CTNNA3: variants seen among roughly 807,000 people sequenced by gnomAD.
CTNNA3 encodes the protein catenin alpha-3.
In CTNNA3, 76 loss-of-function variants were observed where a neutral mutation model predicts 95.7. The observed-to-expected ratio is 0.79, with a 90% CI of 0.66 to 0.96. The LOEUF (loss-of-function observed/expected upper bound fraction) is 0.96. Among genes scored for constraint, CTNNA3 ranks in the 40% least tolerant of loss-of-function variants. The pLI is 0.00. For missense variants in CTNNA3, 1,191 were observed against 1,089.8 expected, an observed-to-expected ratio of 1.09 and a Z score of -1.31; for synonymous variants, 431 against 374.4, an observed-to-expected ratio of 1.15 and a Z score of -1.74.
Position 67,474,436 on chromosome 10 carries a change from G to A in CTNNA3, c.579+47406C>T, listed in dbSNP as rs574063020. Among the ~76,000 whole-genome samples the A allele has an allele frequency of 1.3e-4, 20 of 152,302 alleles. No individual in the cohort carries two copies. In the South Asian group the frequency reaches 4.1e-3, roughly 32 times the overall value. On this transcript the variant is annotated intron_variant, in intron 5 of 17. Transcript: ENST00000433211. The stretch of plus-strand genomic sequence containing the variant: ...GTGAGGATACAGCTAAAAGGTGACT[G>A]TGTGCAAGCTAAGGCTTTGGAAGAA...
intron 5 of CTNNA3, among the ~76,000 whole-genome samples, chr10:67,409,668 A>T (rs1451822287): frequency 1.3e-5 from 2 of 152,120 alleles, no homozygotes; most frequent in Non-Finnish European, 2.9e-5. Context: ...TGTTGGGTTG[A>T]TTGTGCAGCA....
At chr10:67,162,748 T>A (rs1454143170) in intron 7 of CTNNA3, among the ~76,000 whole-genome samples, 2 of 151,798 alleles carry the variant, frequency 1.3e-5, no homozygotes, top group Non-Finnish European at 2.9e-5. Context: ...AATGTTAAAA[T>A]TCTAGAAAAA....
At chr10:66,338,823 AT>A (rs1354820644) in intron 12 of CTNNA3, among the ~76,000 whole-genome samples, 4 of 151,858 alleles carry the variant, frequency 2.6e-5, no homozygotes, top group Non-Finnish European at 5.9e-5. Flanking sequence ...TGACCCAAGG[AT>A]TTATACTGTG....
chr10:66,379,606 T>C (rs1317525291), intron 11 of CTNNA3, among the ~76,000 whole-genome samples: 1 of 152,210 alleles, frequency 6.6e-6, no homozygotes, highest in African/African-American at 2.4e-5. Flanking sequence ...TTTTAGATTC[T>C]AGTTCCAGTA....
At chr10:66,647,149 T>G (rs1045318903) in intron 9 of CTNNA3, among the ~76,000 whole-genome samples, 1 of 152,282 alleles carries the variant, frequency 6.6e-6, no homozygotes, top group East Asian at 1.9e-4. Context: ...TCATGTTTGG[T>G]AAAAGAATGA....
chr10:66,595,078 A>G (rs576703319), intron 10 of CTNNA3, among the ~76,000 whole-genome samples: 1 of 152,202 alleles, frequency 6.6e-6, no homozygotes, highest in South Asian at 2.1e-4. Context: ...AACAATTTTA[A>G]CAAACACCCA....
intron 12 of CTNNA3, among the ~76,000 whole-genome samples, chr10:66,357,807 C>G (rs1049143435): frequency 6.6e-6 from 1 of 152,070 alleles, no homozygotes; most frequent in African/African-American, 2.4e-5. Flanking sequence ...CTTAGGTATA[C>G]AGATAGGAAC....
chr10:67,163,500 A>G (rs1861636619), intron 7 of CTNNA3, among the ~76,000 whole-genome samples: 1 of 152,044 alleles, frequency 6.6e-6, no homozygotes. Flanking sequence ...TCAAAAAGAG[A>G]TCTAAAGCTA....
intron 1 of CTNNA3, among the ~76,000 whole-genome samples, chr10:67,713,905 A>G (rs966463810): frequency 1.3e-5 from 2 of 152,122 alleles, no homozygotes; most frequent in African/African-American, 4.8e-5. Context: ...ATACCTATGT[A>G]ACAAACCCTC....
At chr10:66,322,971 C>A (rs913451025) in intron 12 of CTNNA3, among the ~76,000 whole-genome samples, 1 of 151,740 alleles carries the variant, frequency 6.6e-6, no homozygotes, top group African/African-American at 2.4e-5. Context: ...TCCAAGAACT[C>A]CCATACTCCT....
chr10:67,661,542 G>A (rs1310424340), intron 1 of CTNNA3, among the ~76,000 whole-genome samples: 1 of 152,088 alleles, frequency 6.6e-6, no homozygotes, highest in Non-Finnish European at 1.5e-5. Context: ...ATCCATAAAC[G>A]AAAAAGTTGA....
intron 3 of CTNNA3, among the ~76,000 whole-genome samples, chr10:67,547,446 C>T (rs548267133): frequency 6.6e-6 from 1 of 152,268 alleles, no homozygotes; most frequent in East Asian, 1.9e-4. Flanking sequence ...CAGGCTTCAC[C>T]TTACTAGAAA....
At chr10:67,561,048 A>T (rs1241102188) in intron 3 of CTNNA3, among the ~76,000 whole-genome samples, 6 of 148,582 alleles carry the variant, frequency 4.0e-5, no homozygotes, top group African/African-American at 1.5e-4. Flanking sequence ...GGGAGACTTA[A>T]ACACCCCACT....
chr10:66,180,449 C>T (rs1192418812), intron 13 of CTNNA3, among the ~76,000 whole-genome samples: 4 of 152,130 alleles, frequency 2.6e-5, no homozygotes, highest in African/African-American at 7.2e-5. Flanking sequence ...AATTGATTCT[C>T]CGGGCTCCTA....
intron 15 of CTNNA3, among the ~76,000 whole-genome samples, chr10:66,012,557 T>A (rs2079024565): frequency 6.6e-6 from 1 of 152,144 alleles, no homozygotes; most frequent in South Asian, 2.1e-4. Flanking sequence ...GACAACTGCA[T>A]AAAAAATACA....
At chr10:66,734,921 G>T (rs1021120265) in intron 9 of CTNNA3, among the ~76,000 whole-genome samples, 2 of 150,722 alleles carry the variant, frequency 1.3e-5, no homozygotes, top group African/African-American at 4.9e-5. Flanking sequence ...TCTTTTTTAA[G>T]GCATTTGCAA....
At chr10:66,524,336 A>G (rs1407544114) in intron 10 of CTNNA3, among the ~76,000 whole-genome samples, 1 of 152,164 alleles carries the variant, frequency 6.6e-6, no homozygotes, top group Non-Finnish European at 1.5e-5. Context: ...AAACATGTTA[A>G]TTACCATAAA....
At position 66,278,190 on chromosome 10, in the gene CTNNA3, T is replaced by TAA. The variant is rs61272536; in HGVS notation, c.1884+2278_1884+2279dup. ...AGGATGCATACATAGGCATACAAGA[T>TAA]AAAAAAAAGGAAAAGGAAGTCAACC... On this transcript the variant is annotated intron_variant, in intron 13 of 17. Coordinates refer to ENST00000433211, the MANE Select transcript of CTNNA3 (RefSeq NM_013266.4). Among the ~76,000 whole-genome samples, 991 of 141,862 alleles carry TAA rather than the reference T, an allele frequency of 7.0e-3. 12 individuals carry two copies. The highest frequency in any genetic ancestry group is 0.025 in the African/African-American group (933 of 38,030). The allele number at this position is 141,862 out of a possible 152,430, so 93.1% of individuals were successfully genotyped here.
intron 1 of CTNNA3, among the ~76,000 whole-genome samples, chr10:67,754,086 T>A (rs982938244): frequency 6.6e-6 from 1 of 152,152 alleles, no homozygotes; most frequent in Admixed American, 6.5e-5. Context: ...AGTGATGGAC[T>A]GGATAAAGAA....
Sources: allele counts gnomAD v4.1 joint callset (sites outside exome capture counted in the v4.1 genomes callset), GRCh38; gene constraint gnomAD v4.1.1; transcripts MANE v1.5; gene names NCBI Gene and HGNC (gene_info 2026-07-23, HGNC 2026-07-21).